The following SPIRE1 variants were observed in gnomAD, a reference collection of about 807,000 sequenced individuals.
The protein encoded by SPIRE1 is protein spire homolog 1.
In SPIRE1, 40 loss-of-function variants were observed where a neutral mutation model predicts 94.1. The ratio of observed to expected loss-of-function variants is 0.43; its 90% CI spans 0.33 to 0.55. SPIRE1 has a LOEUF of 0.55. Among genes scored for constraint, SPIRE1 ranks in the 20% least tolerant of loss-of-function variants. SPIRE1 has a pLI of 0.06. For synonymous variants in SPIRE1, 376 were observed against 371.7 expected, an observed-to-expected ratio of 1.01 and a Z score of -0.13; for missense variants, 838 against 975.2, an observed-to-expected ratio of 0.86 and a Z score of 1.87.
chr18:12,498,122 T>G (rs73403754), intron 6 of SPIRE1, among the ~76,000 whole-genome samples: 6,503 of 152,294 alleles, frequency 0.043, 151 homozygotes, highest in South Asian at 0.092. Flanking sequence ...ATCTGAAATG[T>G]TCCAATGAGA....
intron 1 of SPIRE1, 101 bp from the exon 2 acceptor site, chr18:12,635,197 A>G (rs1020713498): frequency 1.4e-5 from 9 of 627,578 alleles, no homozygotes; most frequent in Admixed American, 5.6e-5. Context: ...TATTATGTCT[A>G]TGAGAATATC....
chr18:12,647,713 C>G (rs2038262667), intron 1 of SPIRE1, among the ~76,000 whole-genome samples: 1 of 152,134 alleles, frequency 6.6e-6, no homozygotes, highest in Non-Finnish European at 1.5e-5. Flanking sequence ...ATGATCACAT[C>G]ACTGCACTCC....
At chr18:12,481,057 T>G (rs959173236) in intron 9 of SPIRE1, among the ~76,000 whole-genome samples, 1 of 152,076 alleles carries the variant, frequency 6.6e-6, no homozygotes, top group Non-Finnish European at 1.5e-5. Flanking sequence ...TGGCCCGGCA[T>G]GGTGGCTCAC....
intron 1 of SPIRE1, among the ~76,000 whole-genome samples, chr18:12,639,486 C>T (rs1181093892): frequency 6.6e-6 from 1 of 152,130 alleles, no homozygotes; most frequent in African/African-American, 2.4e-5. Flanking sequence ...GCCATCCGAG[C>T]ACTTTGGGAG....
chr18:12,595,768 G>A (rs1230361135), intron 2 of SPIRE1, among the ~76,000 whole-genome samples: 1 of 152,240 alleles, frequency 6.6e-6, no homozygotes, highest in Non-Finnish European at 1.5e-5. Flanking sequence ...GTGTGCTGTG[G>A]TGAGGTAACT....
intron 2 of SPIRE1, among the ~76,000 whole-genome samples, chr18:12,625,928 A>G (rs758939763): frequency 3.9e-5 from 6 of 152,076 alleles, no homozygotes; most frequent in Non-Finnish European, 8.8e-5. Flanking sequence ...CTGTAATCCC[A>G]GCTACTCAGG....
chr18:12,587,715 G>C (rs937700899), intron 2 of SPIRE1, among the ~76,000 whole-genome samples: 1 of 152,048 alleles, frequency 6.6e-6, no homozygotes, highest in Non-Finnish European at 1.5e-5. Flanking sequence ...TTCCTACCCA[G>C]TGATTTAGGC....
At chr18:12,472,777 C>T (rs1434310193) in intron 10 of SPIRE1, among the ~76,000 whole-genome samples, 1 of 152,002 alleles carries the variant, frequency 6.6e-6, no homozygotes, top group African/African-American at 2.4e-5. Flanking sequence ...CCTCCTGCCT[C>T]AGCCTTCCAG....
At chr18:12,511,414 C>A (rs528025373) in intron 5 of SPIRE1, among the ~76,000 whole-genome samples, 6 of 152,240 alleles carry the variant, frequency 3.9e-5, no homozygotes, top group South Asian at 2.1e-4. Context: ...ATGCTCCTTA[C>A]GAGAATCTAA....
At chr18:12,461,424 GTGTGTATGTATGTATATACATACA>G (rs1165241723) in intron 12 of SPIRE1, among the ~76,000 whole-genome samples, 93 of 144,744 alleles carry the variant, frequency 6.4e-4, no homozygotes, top group Non-Finnish European at 1.2e-3. Flanking sequence ...ATGTGTGTGT[GTGTGTATGTATGTATATACATACA>G]TGTGTGTATG....
rs1002282536 is a variant in SPIRE1 at position 12,497,898 on chromosome 18, G to A, written c.973-1796C>T. On this transcript the variant is annotated intron_variant, in intron 6 of 16. Coordinates refer to ENST00000409402, the MANE Select transcript of SPIRE1 (RefSeq NM_001128626.2). ...GGATTAACTGAGGCCAACCCTATAC[G>A]TTCCATTCCCAAAACAAGCACATTA... is the stretch of plus-strand genomic sequence containing the variant. 7.9e-5 allele frequency among the ~76,000 whole-genome samples: 12 copies of A among 152,054 alleles called. No individual in the cohort carries two copies. The South Asian group carries it at 8.3e-4, about 10-fold the overall frequency.
chr18:12,593,399 A>G (rs1236825776), intron 2 of SPIRE1, among the ~76,000 whole-genome samples: 1 of 152,220 alleles, frequency 6.6e-6, no homozygotes, highest in African/African-American at 2.4e-5. Context: ...TAAACATTTT[A>G]TGTTCTATAA....
chr18:12,461,404 A>G (rs1358270856), intron 12 of SPIRE1, among the ~76,000 whole-genome samples: 1 of 119,168 alleles, frequency 8.4e-6, no homozygotes, highest in Non-Finnish European at 1.8e-5. Context: ...CCTCTTACCT[A>G]TACACATGTA....
intron 2 of SPIRE1, among the ~76,000 whole-genome samples, chr18:12,630,264 A>G (rs2037739655): frequency 6.6e-6 from 1 of 152,220 alleles, no homozygotes; most frequent in Non-Finnish European, 1.5e-5. Flanking sequence ...CTTGCTTAAG[A>G]AGGACTTCCT....
At chr18:12,576,366 GAC>G (rs1326992916) in intron 2 of SPIRE1, among the ~76,000 whole-genome samples, 1 of 151,956 alleles carries the variant, frequency 6.6e-6, no homozygotes, top group Non-Finnish European at 1.5e-5. Context: ...GGGAGGCTGA[GAC>G]GGGTGAAACT....
intron 10 of SPIRE1, among the ~76,000 whole-genome samples, chr18:12,471,945 G>T (rs148002880): frequency 6.6e-6 from 1 of 151,394 alleles, no homozygotes; most frequent in Non-Finnish European, 1.5e-5. Flanking sequence ...CCACCACACC[G>T]GGCTAATTTT....
At position 12,631,573 on chromosome 18, in the gene SPIRE1, A is replaced by C. The variant is rs1248771913; in HGVS notation, c.372+3489T>G. 8.1e-3 allele frequency among the ~76,000 whole-genome samples: 1,193 copies of C among 147,176 alleles called. 30 individuals carry two copies. Among genetic ancestry groups the C allele is most frequent in the African/African-American group, 0.027 (1,085 of 40,164 alleles). On this transcript the variant is annotated intron_variant, in intron 2 of 16. Coordinates refer to ENST00000409402, the MANE Select transcript of SPIRE1 (RefSeq NM_001128626.2). ...CAAAAAAAAAAAAAAAAAAAAAAAA[A>C]AACATAAAAATAAAAAAACAGGCCA...
chr18:12,528,906 C>T (rs28649444), intron 4 of SPIRE1, among the ~76,000 whole-genome samples: 18,906 of 152,154 alleles, frequency 0.12, 1,451 homozygotes, highest in East Asian at 0.32. Flanking sequence ...CAAATATCTA[C>T]GGAGTCCCCA....
chr18:12,496,219 T>C (rs1489629881), intron 6 of SPIRE1, 117 bp from the exon 7 acceptor site: 9 of 663,146 alleles, frequency 1.4e-5, no homozygotes, highest in East Asian at 2.8e-5. Context: ...TTACCAAGGA[T>C]ACATTTCAAA....
Sources: gnomAD v4.1 joint callset for allele counts (sites outside exome capture counted in the v4.1 genomes callset) on GRCh38, gnomAD v4.1.1 for gene constraint, MANE v1.5 for transcripts, NCBI Gene and HGNC (gene_info 2026-07-23, HGNC 2026-07-21) for gene names.